Variants in ENOSF1 observed in about 807,000 individuals in gnomAD.
ENOSF1 encodes the protein enolase superfamily member 1.
In ENOSF1, 73 loss-of-function variants were observed where a neutral mutation model predicts 68.2. The ratio of observed to expected loss-of-function variants is 1.07; its 90% CI spans 0.89 to 1.30. The LOEUF (loss-of-function observed/expected upper bound fraction) is 1.30, where lower values mean the gene tolerates loss of function less well. Ranked by LOEUF, ENOSF1 falls within the 50% of genes most tolerant of loss-of-function variation. ENOSF1 has a pLI of 0.00. For synonymous variants in ENOSF1, 223 were observed against 210.4 expected (o/e 1.06, Z -0.52); for missense variants, 589 against 554.5 (o/e 1.06, Z -0.62).
At chr18:688,278 GAATC>G in intron 9 of ENOSF1, 1 of 354,010 alleles carries the variant, frequency 2.8e-6, no homozygotes, top group South Asian at 4.5e-5. Context: ...TGCAGAAACT[GAATC>G]AACGCTGTTA....
chr18:706,366 T>C, intron 2 of ENOSF1, 104 bp downstream of exon 2: 2 of 806,332 alleles, frequency 2.5e-6, no homozygotes, highest in Non-Finnish European at 4.2e-6. Context: ...AAAAACAAGA[T>C]CAGAACTCAA....
At chr18:708,352 C>T (rs1028149755) in intron 1 of ENOSF1, among the ~76,000 whole-genome samples, 3 of 151,912 alleles carry the variant, frequency 2.0e-5, no homozygotes, top group Non-Finnish European at 2.9e-5. Context: ...GATACGTCTG[C>T]CCTTGAGGAG....
chr18:691,083 C>G lies in ENOSF1; in HGVS notation c.520G>C (p.Gly174Arg), dbSNP rs2077110059. ...TACAACCCACCTCTTTCTTTTTTAC[C>G]AATTTGACCTTTCTGCAGTATTTCT... The part of the protein sequence containing the change: ...ALEILQKGQI[G>R]KKEREKQMLA... Residue 174 changes from glycine to arginine, a missense_variant, in exon 7 of 16, where the codon GGT becomes CGT. Physicochemically the swap from Gly to Arg is moderately radical, Grantham distance 125 (BLOSUM62 -2). Transcript: ENST00000647584. The G allele has an allele frequency of 6.2e-7, 1 of 1,614,098 alleles. No individual in the cohort carries two copies. The highest frequency in any genetic ancestry group is 8.5e-7 in the Non-Finnish European group (1 of 1,180,020).
chr18:692,607 A>AAAGAAAG, intron 5 of ENOSF1: 1 of 746,478 alleles, frequency 1.3e-6, no homozygotes, highest in African/African-American at 2.0e-5. Context: ...AAAAAAAAAA[A>AAAGAAAG]AAAGAAAGAA....
At chr18:667,047 TGATGGAGATGGA>T (rs1289440111), downstream of ENOSF1, among the ~76,000 whole-genome samples, 18 of 28,094 alleles carry the variant, frequency 6.4e-4, no homozygotes, top group African/African-American at 1.5e-3. Flanking sequence ...ATGGTGATGG[TGATGGAGATGGA>T]GATGGTGATG....
chr18:689,130 C>T (rs2076908256), intron 8 of ENOSF1, among the ~76,000 whole-genome samples: 1 of 152,194 alleles, frequency 6.6e-6, no homozygotes, highest in Admixed American at 6.5e-5. Context: ...CGCAGTGGGT[C>T]TACCGCTGGT....
At chr18:696,204 C>CTTTTTTTTTTTTTTTTTTT (rs368856668) in intron 3 of ENOSF1, among the ~76,000 whole-genome samples, 2 of 118,688 alleles carry the variant, frequency 1.7e-5, no homozygotes, top group African/African-American at 6.7e-5. Context: ...ACATCTCTCT[C>CTTTTTTTTTTTTTTTTTTT]TTTTTTTTTT....
intron 5 of ENOSF1, chr18:693,392 T>C: frequency 8.7e-7 from 1 of 1,153,654 alleles, no homozygotes; most frequent in Non-Finnish European, 1.1e-6. Flanking sequence ...TATAGCTCAC[T>C]GCAGCCTGAA....
chr18:674,231 T>C lies in ENOSF1; in HGVS notation c.*74A>G. On this transcript the variant is annotated 3_prime_UTR_variant, in exon 16 of 16. Transcript: ENST00000647584. ...TGATCGGTAGGATTTTTTAAATCCA[T>C]TTTTGTAAAACTATTTCCAAGAAAT... is the stretch of plus-strand genomic sequence containing the variant. 2 of 1,063,194 alleles carry C rather than the reference T, an allele frequency of 1.9e-6. No homozygotes were observed. The highest frequency in any genetic ancestry group is 2.8e-6 in the Non-Finnish European group (2 of 714,274). The allele number at this position is 1,063,194 out of a possible 1,614,324, so 65.9% of individuals were successfully genotyped here.
intron 11 of ENOSF1, among the ~76,000 whole-genome samples, chr18:679,602 C>T (rs1215546565): frequency 6.6e-6 from 1 of 151,972 alleles, no homozygotes; most frequent in Non-Finnish European, 1.5e-5. Context: ...CAGTGGGTGG[C>T]CTCAGACCTC....
rs1224641918 is a variant in ENOSF1, at chr18:671,367, C to T, written c.*2938G>A. 2 of 1,583,324 alleles carry T rather than the reference C, an allele frequency of 1.3e-6. No homozygotes were observed. The highest frequency in any genetic ancestry group is 1.3e-5 in the African/African-American group (1 of 74,204). ...ACTAACATACTGTTCTGCTTTCTCCCCCGGGTTTATAGCCAGGTGACTTTA... is the reference window on the plus strand; with the variant it reads ...ACTAACATACTGTTCTGCTTTCTCCTCCGGGTTTATAGCCAGGTGACTTTA... On this transcript the variant is annotated 3_prime_UTR_variant, in exon 16 of 16. Coordinates refer to ENST00000647584, the MANE Select transcript of ENOSF1 (RefSeq NM_017512.7).
intron 2 of ENOSF1, among the ~76,000 whole-genome samples, chr18:705,675 C>T (rs1183421296): frequency 1.3e-5 from 2 of 152,046 alleles, no homozygotes; most frequent in Non-Finnish European, 2.9e-5. Context: ...AAGCCCTTTT[C>T]GCCATGAAAA....
intron 14 of ENOSF1, among the ~76,000 whole-genome samples, chr18:676,530 G>A (rs1467758416): frequency 1.3e-5 from 2 of 152,162 alleles, no homozygotes; most frequent in East Asian, 3.8e-4. Flanking sequence ...ATGATTGTAA[G>A]TTTCCAGAAG....
chr18:711,003 C>T (rs1250207407), intron 1 of ENOSF1, among the ~76,000 whole-genome samples: 2 of 152,104 alleles, frequency 1.3e-5, no homozygotes, highest in Non-Finnish European at 2.9e-5. Flanking sequence ...GGCCCTGTCT[C>T]TACAAAAAAT....
downstream of ENOSF1, chr18:669,436 G>C (rs938615286): frequency 6.2e-6 from 2 of 322,074 alleles, no homozygotes; most frequent in African/African-American, 4.4e-5. Context: ...GCAACGGCGT[G>C]ATCTTGGCTC....
chr18:686,105 C>G lies in ENOSF1; in HGVS notation c.654-97G>C, dbSNP rs1157384226. On this transcript the variant is annotated intron_variant, in intron 9 of 15. Transcript: ENST00000647584. The stretch of plus-strand genomic sequence containing the variant: ...GAAGTGACCGTCTCTGTCAACAATT[C>G]ACAGATATGTTTTTTAGTAACCTCT... The G allele has an allele frequency of 1.8e-5, 15 of 848,508 alleles. No individual in the cohort carries two copies. The Admixed American group carries it at 2.7e-4, about 15-fold the overall frequency. The allele number at this position is 848,508 out of a possible 1,614,324, so 52.6% of individuals were successfully genotyped here.
At chr18:704,076 T>A (rs2078661425) in intron 2 of ENOSF1, among the ~76,000 whole-genome samples, 1 of 152,156 alleles carries the variant, frequency 6.6e-6, no homozygotes, top group African/African-American at 2.4e-5. Context: ...TGCAGAACCA[T>A]GAGGCAATTA....
At chr18:677,567 G>A (rs2075639924) in intron 13 of ENOSF1, 123 bp from the exon 14 acceptor site, 13 of 1,262,974 alleles carry the variant, frequency 1.0e-5, no homozygotes, top group Middle Eastern at 2.5e-4. Flanking sequence ...TATTTAGGAA[G>A]GAAATTCCAA....
At chr18:680,255 A>G (rs186705892) in intron 11 of ENOSF1, among the ~76,000 whole-genome samples, 1 of 152,348 alleles carries the variant, frequency 6.6e-6, no homozygotes, top group Admixed American at 6.5e-5. Context: ...CCTCATCTGC[A>G]GAAGGCCTTA....
Sources: gnomAD v4.1 joint callset for allele counts (sites outside exome capture counted in the v4.1 genomes callset) on GRCh38, gnomAD v4.1.1 for gene constraint, MANE v1.5 for transcripts, NCBI Gene and HGNC (gene_info 2026-07-23, HGNC 2026-07-21) for gene names.